The following GMDS variants were observed in gnomAD, a reference collection of about 807,000 sequenced individuals.
GMDS encodes the protein GDP-mannose 4,6-dehydratase, also known as GDP-mannose 4,6 dehydratase.
A neutral mutation model predicts 49.9 loss-of-function variants in GMDS; 20 were observed. That is an observed-to-expected ratio of 0.40 (90% CI 0.28 to 0.58). GMDS has a LOEUF of 0.58. GMDS is among the 20% of genes least tolerant of loss of function. The probability of loss-of-function intolerance (pLI) is 0.42; values close to 1 mark genes in which losing one functional copy is unlikely to be tolerated. For synonymous variants in GMDS, 177 were observed against 178.6 expected, an observed-to-expected ratio of 0.99 and a Z score of 0.07; for missense variants, 362 against 481.4, an observed-to-expected ratio of 0.75 and a Z score of 2.32.
intron 9 of GMDS, among the ~76,000 whole-genome samples, chr6:1,664,784 G>T (rs563563948): frequency 1.4e-3 from 219 of 152,344 alleles, no homozygotes; most frequent in Non-Finnish European, 2.2e-3. Context: ...TAGTAGTAAA[G>T]AGGCTTCACA....
chr6:2,122,163 C>T (rs550271901), intron 2 of GMDS, among the ~76,000 whole-genome samples: 4 of 152,234 alleles, frequency 2.6e-5, no homozygotes, highest in South Asian at 2.1e-4. Flanking sequence ...CTTAGGGTAC[C>T]GTGTTCAACT....
intron 7 of GMDS, among the ~76,000 whole-genome samples, chr6:1,924,953 C>G (rs1437841487): frequency 9.9e-6 from 1 of 101,006 alleles, no homozygotes; most frequent in African/African-American, 3.0e-5. Flanking sequence ...GAGACTCCGT[C>G]TCAAAAAAAA....
At chr6:1,825,685 A>ACTGTGCTAT (rs1771076919) in intron 7 of GMDS, among the ~76,000 whole-genome samples, 1 of 152,246 alleles carries the variant, frequency 6.6e-6, no homozygotes, top group Non-Finnish European at 1.5e-5. Context: ...ATTTCGAAAC[A>ACTGTGCTAT]GTTTTACTGT....
At chr6:1,677,864 A>G (rs1190683590) in intron 9 of GMDS, among the ~76,000 whole-genome samples, 3 of 151,922 alleles carry the variant, frequency 2.0e-5, no homozygotes, top group South Asian at 2.1e-4. Flanking sequence ...GTTAATGGGT[A>G]CAACACACCA....
At chr6:1,959,231 G>A (rs1763806268) in intron 6 of GMDS, among the ~76,000 whole-genome samples, 1 of 152,052 alleles carries the variant, frequency 6.6e-6, no homozygotes, top group Non-Finnish European at 1.5e-5. Flanking sequence ...GTTTTTAAAT[G>A]TTCCTAACAC....
chr6:1,936,842 A>T (rs990305450), intron 6 of GMDS, among the ~76,000 whole-genome samples: 2 of 151,798 alleles, frequency 1.3e-5, no homozygotes, highest in Non-Finnish European at 2.9e-5. Context: ...TGGTGCGAGC[A>T]TATAATCCTA....
At chr6:2,013,061 A>C (rs1767658225) in intron 4 of GMDS, among the ~76,000 whole-genome samples, 1 of 152,208 alleles carries the variant, frequency 6.6e-6, no homozygotes, top group East Asian at 1.9e-4. Context: ...ACTGCTAAGA[A>C]ACAATTCTGG....
Position 2,024,232 on chromosome 6 carries a change from T to C in GMDS, c.346-63266A>G, listed in dbSNP as rs548717337. Among the ~76,000 whole-genome samples, 65 of 152,078 alleles carry C rather than the reference T, an allele frequency of 4.3e-4. 2 individuals carry two copies. The South Asian group carries it at 0.012, about 28-fold the overall frequency. On this transcript the variant is annotated intron_variant, in intron 4 of 10. Coordinates refer to ENST00000380815, the MANE Select transcript of GMDS (RefSeq NM_001500.4). ...ATACTATTCAAAAGTAAAAGCAAAA[T>C]AGAGATTTTTTTCAGACAAGACAGA...
At chr6:1,706,462 T>C (rs1015891497) in intron 9 of GMDS, among the ~76,000 whole-genome samples, 10 of 152,244 alleles carry the variant, frequency 6.6e-5, no homozygotes, top group African/African-American at 2.4e-4. Context: ...CCTCATGCGT[T>C]TCTTTATTCT....
intron 7 of GMDS, among the ~76,000 whole-genome samples, chr6:1,838,713 T>C (rs971120888): frequency 6.6e-6 from 1 of 152,188 alleles, no homozygotes; most frequent in African/African-American, 2.4e-5. Context: ...AAAGGGGAGA[T>C]GGCAGTATTT....
chr6:1,642,153 C>CTTTTT (rs543577735), intron 9 of GMDS, among the ~76,000 whole-genome samples: 1 of 110,760 alleles, frequency 9.0e-6, no homozygotes. Flanking sequence ...CAGTTTCCAT[C>CTTTTT]TTTTTTTTTT....
At chr6:1,928,787 G>T (rs959821733) in intron 7 of GMDS, among the ~76,000 whole-genome samples, 1 of 152,000 alleles carries the variant, frequency 6.6e-6, no homozygotes, top group African/African-American at 2.4e-5. Flanking sequence ...TGGTCAAAAT[G>T]GTGAAACCCC....
At chr6:1,683,913 G>A (rs528548680) in intron 9 of GMDS, among the ~76,000 whole-genome samples, 11 of 151,578 alleles carry the variant, frequency 7.3e-5, no homozygotes, top group Admixed American at 2.0e-4. Flanking sequence ...TGGGTTTTGC[G>A]ATCGGTAGGC....
chr6:1,745,402 G>A (rs9501766), intron 7 of GMDS, among the ~76,000 whole-genome samples: 53 of 2,432 alleles, frequency 0.022, no homozygotes, highest in East Asian at 0.044. Flanking sequence ...CTACTGGTGG[G>A]TCACTTGGAG....
intron 8 of GMDS, among the ~76,000 whole-genome samples, chr6:1,727,386 T>C (rs1319040960): frequency 3.3e-5 from 5 of 152,208 alleles, no homozygotes; most frequent in African/African-American, 9.7e-5. Context: ...TGGATGTCTA[T>C]AATATTACAG....
chr6:1,992,541 TTC>T (rs1766016479), intron 4 of GMDS, among the ~76,000 whole-genome samples: 2 of 152,170 alleles, frequency 1.3e-5, no homozygotes, highest in Admixed American at 6.5e-5. Flanking sequence ...CCTAAAATGT[TTC>T]CCCTAGAAAT....
intron 9 of GMDS, among the ~76,000 whole-genome samples, chr6:1,638,583 G>A (rs1344051987): frequency 1.3e-5 from 2 of 151,126 alleles, no homozygotes; most frequent in African/African-American, 4.9e-5. Context: ...GCTCTGGGGG[G>A]CATTATTCAA....
chr6:2,158,019 A>G (rs1777194110), intron 1 of GMDS, among the ~76,000 whole-genome samples: 1 of 152,132 alleles, frequency 6.6e-6, no homozygotes, highest in African/African-American at 2.4e-5. Context: ...ATGGTAGCTG[A>G]AACAAAAACA....
At chr6:2,235,753 A>G (rs1307025084) in intron 1 of GMDS, among the ~76,000 whole-genome samples, 1 of 151,830 alleles carries the variant, frequency 6.6e-6, no homozygotes, top group Admixed American at 6.6e-5. Flanking sequence ...TTGAGGCTCC[A>G]GTGATCTGTG....
Sources: allele counts gnomAD v4.1 joint callset (sites outside exome capture counted in the v4.1 genomes callset), GRCh38; gene constraint gnomAD v4.1.1; transcripts MANE v1.5; gene names NCBI Gene and HGNC (gene_info 2026-07-23, HGNC 2026-07-21).